Variants in ZNF563 observed in about 807,000 individuals in gnomAD.
ZNF563 encodes zinc finger protein 563.
In ZNF563, 39 loss-of-function variants were observed where a neutral mutation model predicts 48.5. The ratio of observed to expected loss-of-function variants is 0.80; its 90% CI spans 0.62 to 1.05. The LOEUF (loss-of-function observed/expected upper bound fraction) is 1.05, where lower values mean the gene tolerates loss of function less well. Among genes scored for constraint, ZNF563 ranks in the 50% least tolerant of loss-of-function variants. ZNF563 has a pLI of 0.00. For synonymous variants in ZNF563, 168 were observed against 187.9 expected (o/e 0.89, Z 0.87); for missense variants, 538 against 597.0 (o/e 0.90, Z 1.03).
At chr19:12,342,436 T>A in the ZNF563 span, among the ~76,000 whole-genome samples, 1 of 150,944 alleles carries the variant, frequency 6.6e-6, no homozygotes. Context: ...GAAATTGCAA[T>A]AGAAAATACT....
At chr19:12,338,233 C>G (rs1444472239), upstream of ZNF563, among the ~76,000 whole-genome samples, 1 of 152,058 alleles carries the variant, frequency 6.6e-6, no homozygotes, top group Non-Finnish European at 1.5e-5. Flanking sequence ...CAGAATCTGT[C>G]TGATGGAGCT....
rs148123971 is a variant in ZNF563 at position 12,319,156 on chromosome 19, A to C, written c.869T>G (p.Phe290Cys). The change falls in exon 4 of 4, where the codon TTC (phenylalanine) becomes TGC (cysteine). Residue 290 changes from phenylalanine to cysteine, a missense_variant. By Grantham distance (205) the Phe-to-Cys change is radical. Coordinates refer to ENST00000293725, the MANE Select transcript of ZNF563 (RefSeq NM_145276.3). ...TCTTCGAAGGGAACTGGAAACACTGAAGGCTTTCCCACACTGTTTACATGT... is the reference window on the plus strand; with the variant it reads ...TCTTCGAAGGGAACTGGAAACACTGCAGGCTTTCCCACACTGTTTACATGT... ...PYTCKQCGKA[F>C]SVSSSLRRHE... 33 of 1,614,046 alleles carry C rather than the reference A, an allele frequency of 2.0e-5. No homozygotes were observed. The highest frequency in any genetic ancestry group is 2.5e-5 in the Non-Finnish European group (29 of 1,180,042).
At chr19:12,324,925 G>T (rs777483857) in intron 1 of ZNF563, 1 of 152,028 alleles carries the variant, frequency 6.6e-6, no homozygotes, top group Non-Finnish European at 1.5e-5. Flanking sequence ...CCACCTCTGC[G>T]CCAGTCTTGA....
At chr19:12,331,370 C>G (rs758639740) in intron 1 of ZNF563, among the ~76,000 whole-genome samples, 7 of 152,132 alleles carry the variant, frequency 4.6e-5, no homozygotes, top group Non-Finnish European at 7.4e-5. Flanking sequence ...TCCCTACCCC[C>G]AACCACCAGA....
intron 1 of ZNF563, among the ~76,000 whole-genome samples, chr19:12,328,155 T>C (rs936968980): frequency 2.0e-5 from 3 of 152,170 alleles, no homozygotes; most frequent in African/African-American, 7.2e-5. Flanking sequence ...ATGCACAAAA[T>C]TCTGAGCCAT....
intron 2 of ZNF563, among the ~76,000 whole-genome samples, chr19:12,321,769 A>G (rs927977249): frequency 2.0e-5 from 3 of 152,082 alleles, no homozygotes; most frequent in Admixed American, 6.6e-5. Context: ...TGAACAACAC[A>G]TGTTTGAACT....
upstream of ZNF563, chr19:12,333,646 G>C (rs1042597133): frequency 9.7e-7 from 1 of 1,033,540 alleles, no homozygotes; most frequent in Non-Finnish European, 1.3e-6. Flanking sequence ...GTCTAGAGCT[G>C]AGCGCAGGGG....
rs1385048751 is a variant in ZNF563, at chr19:12,319,701, A to G, written c.324T>C (p.Cys108=). ...ATAAATGACCCATTATGACTTCTTC[A>G]CACTCAGCGCTTTGACATGGATCTT... ...PGEDPCQSAE[C]EEVIMGHLSL... The change falls in exon 4 of 4, where the codon TGT becomes TGC. Residue 108 remains cysteine, a synonymous_variant. Coordinates refer to ENST00000293725, the MANE Select transcript of ZNF563 (RefSeq NM_145276.3). 1 of 1,614,150 alleles carries G rather than the reference A, an allele frequency of 6.2e-7. No homozygotes were observed. Among genetic ancestry groups the G allele is most frequent in the South Asian group, 1.1e-5 (1 of 91,084 alleles).
At chr19:12,322,793 A>G (rs905707141) in intron 1 of ZNF563, 82 bp from the exon 2 acceptor site, 5 of 1,375,400 alleles carry the variant, frequency 3.6e-6, no homozygotes, top group Admixed American at 2.4e-5. Context: ...ACTTCATATG[A>G]TGCTGTGCTT....
intron 2 of ZNF563, 125 bp from the exon 3 acceptor site, chr19:12,321,457 G>A (rs899064081): frequency 1.8e-6 from 1 of 545,502 alleles, no homozygotes; most frequent in South Asian, 4.6e-5. Flanking sequence ...GTACAGTTTG[G>A]GGGTGGAGGC....
At position 12,319,709 on chromosome 19, in the gene ZNF563, C is replaced by A; in HGVS notation, c.316G>T (p.Ala106Ser). The A allele has an allele frequency of 6.2e-7, 1 of 1,614,122 alleles. No homozygotes were observed. Among genetic ancestry groups the A allele is most frequent in the South Asian group, 1.1e-5 (1 of 91,086 alleles). ...CCCATTATGACTTCTTCACACTCAG[C>A]GCTTTGACATGGATCTTCTCCAGGA... ...ICPGEDPCQS[A>S]ECEEVIMGHL... The change falls in exon 4 of 4, where the codon GCT becomes TCT. Residue 106 changes from alanine to serine, a missense_variant. By Grantham distance (99) the Ala-to-Ser change is moderately conservative (BLOSUM62 1). Transcript: ENST00000293725.
intron 1 of ZNF563, among the ~76,000 whole-genome samples, chr19:12,326,777 T>C (rs1897649615): frequency 6.6e-6 from 1 of 152,162 alleles, no homozygotes. Flanking sequence ...AAAAGAAGTT[T>C]ATTAGAGAAA....
At chr19:12,339,998 A>G in the ZNF563 span, among the ~76,000 whole-genome samples, 1 of 152,212 alleles carries the variant, frequency 6.6e-6, no homozygotes, top group Non-Finnish European at 1.5e-5. Flanking sequence ...GAAATGTTGG[A>G]GACCAGAAAA....
upstream of ZNF563, among the ~76,000 whole-genome samples, chr19:12,335,086 G>C (rs746827476): frequency 2.0e-5 from 3 of 152,086 alleles, no homozygotes; most frequent in Non-Finnish European, 2.9e-5. Context: ...AATGGGCTCG[G>C]TGTAGAGTCA....
chr19:12,332,136 A>C (rs1968933831), intron 1 of ZNF563, among the ~76,000 whole-genome samples: 1 of 152,150 alleles, frequency 6.6e-6, no homozygotes, highest in Non-Finnish European at 1.5e-5. Context: ...AACTGAGGAC[A>C]GTGTAGAGTC....
chr19:12,319,356 T>G lies in ZNF563; in HGVS notation c.669A>C (p.Lys223Asn). ...TAGAACACTGCTTACATTCATACGG[T>G]TTCTCTCCAGTGTGAGTTCTTTCAT... ...RMHERTHTGEKPYECKQCSKA... is the reference protein window; with the variant it reads ...RMHERTHTGENPYECKQCSKA... Residue 223 changes from lysine to asparagine, a missense_variant, in exon 4 of 4, where the codon AAA (lysine) becomes AAC (asparagine). Transcript: ENST00000293725. The G allele has an allele frequency of 6.2e-7, 1 of 1,614,186 alleles. No individual in the cohort carries two copies.
chr19:12,319,320 A>T lies in ZNF563; in HGVS notation c.705T>A (p.Pro235=), dbSNP rs377760419. 1.2e-6 allele frequency: 2 copies of T among 1,613,980 alleles called. No individual in the cohort carries two copies. The highest frequency in any genetic ancestry group is 2.7e-5 in the African/African-American group (2 of 74,920). The change falls in exon 4 of 4, where the codon CCT becomes CCA. Residue 235 remains proline, a synonymous_variant. Coordinates refer to ENST00000293725, the MANE Select transcript of ZNF563 (RefSeq NM_145276.3). ...CATGTCTTCGATAGGAACTGTAAAA[A>T]GGAAAGGCTTTAGAACACTGCTTAC... ...YECKQCSKAF[P]FYSSYRRHER... is the part of the protein sequence containing the mutation.
rs1356683350 is a variant in ZNF563, at chr19:12,321,329, A to G, written c.134T>C (p.Met45Thr). The G allele has an allele frequency of 1.2e-5, 18 of 1,551,334 alleles. No homozygotes were observed. Among genetic ancestry groups the G allele is most frequent in the Non-Finnish European group, 1.5e-5 (17 of 1,154,600 alleles). Residue 45 changes from methionine (M) to threonine (T), a missense_variant, in exon 3 of 4, where the codon ATG (methionine) becomes ACG (threonine). Transcript: ENST00000293725. ...ETIRNLDCIR[M>T]IWEEQNTEDQ... ...TTCAGTATTCTGTTCTTCCCATATCATTCCTAAAAGGGAGACCCAGAAAAT... is the reference window on the plus strand; with the variant it reads ...TTCAGTATTCTGTTCTTCCCATATCGTTCCTAAAAGGGAGACCCAGAAAAT...
the ZNF563 span, among the ~76,000 whole-genome samples, chr19:12,339,864 T>A: frequency 6.6e-6 from 1 of 152,236 alleles, no homozygotes; most frequent in East Asian, 1.9e-4. Context: ...GAGAAACGCA[T>A]AAATGCACAT....
Sources: allele counts gnomAD v4.1 joint callset (sites outside exome capture counted in the v4.1 genomes callset), GRCh38; gene constraint gnomAD v4.1.1; transcripts MANE v1.5; gene names NCBI Gene and HGNC (gene_info 2026-07-23, HGNC 2026-07-21).